ZNRF1: variants seen among roughly 807,000 people sequenced by gnomAD.
ZNRF1 encodes zinc and ring finger 1, also known as E3 ubiquitin-protein ligase ZNRF1.
ZNRF1 carries 3 observed loss-of-function variants against 18.4 expected under a neutral mutation model. The observed-to-expected ratio is 0.16, with a 90% confidence interval of 0.07 to 0.42. The LOEUF (loss-of-function observed/expected upper bound fraction) is 0.42. Among genes scored for constraint, ZNRF1 ranks in the 10% least tolerant of loss-of-function variants. ZNRF1 has a pLI of 0.99. For missense variants in ZNRF1, 310 were observed against 329.8 expected (o/e 0.94, Z 0.47); for synonymous variants, 157 against 144.2 (o/e 1.09, Z -0.64).
chr16:75,023,693 CAAACAAAAA>C (rs1411700007), intron 1 of ZNRF1, among the ~76,000 whole-genome samples: 3 of 115,834 alleles, frequency 2.6e-5, no homozygotes, highest in Admixed American at 8.9e-5. Flanking sequence ...AACAAACAAA[CAAACAAAAA>C]AAACAAAAAA....
At chr16:75,046,540 C>T (rs971993021) in intron 1 of ZNRF1, among the ~76,000 whole-genome samples, 2 of 152,128 alleles carry the variant, frequency 1.3e-5, no homozygotes, top group Non-Finnish European at 2.9e-5. Flanking sequence ...CGTGAGCCAC[C>T]ACACCCAGCT....
intron 1 of ZNRF1, among the ~76,000 whole-genome samples, chr16:75,017,277 T>C (rs2035084852): frequency 1.3e-5 from 2 of 152,330 alleles, no homozygotes; most frequent in African/African-American, 2.4e-5. Context: ...TAGAATTAAA[T>C]TGAGTTTATC....
At chr16:75,001,693 TCA>T (rs1377182884) in intron 1 of ZNRF1, among the ~76,000 whole-genome samples, 2 of 152,208 alleles carry the variant, frequency 1.3e-5, no homozygotes, top group African/African-American at 2.4e-5. Context: ...TTCTCTAAAA[TCA>T]CAGAATTTTT....
chr16:75,006,587 C>A (rs2034920757), intron 1 of ZNRF1, among the ~76,000 whole-genome samples: 3 of 152,130 alleles, frequency 2.0e-5, no homozygotes, highest in Admixed American at 2.0e-4. Flanking sequence ...AGGCATGCAC[C>A]ACCACGCCTG....
At chr16:75,079,336 T>C (rs979433683) in intron 1 of ZNRF1, among the ~76,000 whole-genome samples, 1 of 152,078 alleles carries the variant, frequency 6.6e-6, no homozygotes, top group African/African-American at 2.4e-5. Flanking sequence ...AAAAATTCGC[T>C]GGGCATGGTG....
chr16:75,076,915 C>T (rs922006842), intron 1 of ZNRF1, among the ~76,000 whole-genome samples: 2 of 151,996 alleles, frequency 1.3e-5, no homozygotes, highest in Non-Finnish European at 2.9e-5. Flanking sequence ...GAGAGGCCCT[C>T]ACCACACATC....
intron 1 of ZNRF1, among the ~76,000 whole-genome samples, chr16:75,065,732 C>T (rs1385996733): frequency 6.6e-6 from 1 of 152,162 alleles, no homozygotes; most frequent in African/African-American, 2.4e-5. Flanking sequence ...TCACATTCTT[C>T]GTGTCTATAA....
At chr16:75,032,585 A>G (rs1403038158) in intron 1 of ZNRF1, among the ~76,000 whole-genome samples, 1 of 152,174 alleles carries the variant, frequency 6.6e-6, no homozygotes, top group Admixed American at 6.6e-5. Context: ...TGTGCTGCAG[A>G]GGATACTATC....
chr16:75,000,090 ATAG>A lies in ZNRF1; in HGVS notation c.421_423del (p.Ser141del). On this transcript the variant is annotated inframe_deletion and splice_region_variant, in exon 1 of 5. Transcript: ENST00000335325. The stretch of plus-strand genomic sequence containing the variant: ...ATCGCACCCAGGTGGTTCAGCTCGC[ATAG>A]TGGTGAGTCCGCGGGTGGTGGAGGC... 6.2e-7 allele frequency: 1 copy of A among 1,600,140 alleles called. No homozygotes were observed. The highest frequency in any genetic ancestry group is 8.5e-7 in the Non-Finnish European group (1 of 1,174,672).
intron 1 of ZNRF1, among the ~76,000 whole-genome samples, chr16:75,090,925 A>G (rs539400330): frequency 2.0e-5 from 3 of 152,284 alleles, no homozygotes; most frequent in East Asian, 3.9e-4. Context: ...TTTAATTTGT[A>G]TTTTTTGTAG....
At chr16:75,099,655 C>T (rs1442602561) in intron 2 of ZNRF1, among the ~76,000 whole-genome samples, 2 of 152,160 alleles carry the variant, frequency 1.3e-5, no homozygotes, top group African/African-American at 4.8e-5. Context: ...TGTTCTTATC[C>T]GGCAGCATTT....
chr16:75,109,606 G>T lies in ZNRF1; in HGVS notation c.*1906G>T, dbSNP rs2036358334. On this transcript the variant is annotated 3_prime_UTR_variant, in exon 5 of 5. Transcript: ENST00000335325. ...GGGTCTCAGCGCGGGACCCGTCTGG[G>T]GTGAAGACCTTGGGGCTGTTGTGAG... The T allele has an allele frequency of 6.5e-6, 1 of 152,706 alleles. No homozygotes were observed. The highest frequency in any genetic ancestry group is 2.1e-4 in the South Asian group (1 of 4,838). 9.5% of individuals were successfully genotyped at this position (152,706 alleles called of 1,614,324 possible). A position where few individuals can be genotyped will look rare whatever the true frequency, so the allele number is the denominator to read the frequency against.
intron 1 of ZNRF1, among the ~76,000 whole-genome samples, chr16:75,054,004 C>G (rs1597883386): frequency 6.6e-6 from 1 of 152,216 alleles, no homozygotes; most frequent in East Asian, 1.9e-4. Context: ...AACTATGTGT[C>G]TTCCCCTTCA....
chr16:75,106,666 C>A, intron 4 of ZNRF1, 95 bp downstream of exon 4: 2 of 934,122 alleles, frequency 2.1e-6, no homozygotes, highest in Non-Finnish European at 3.3e-6. Context: ...CCTTATGCCA[C>A]TGAGAAGAAA....
At chr16:75,000,251 G>A in intron 1 of ZNRF1, 156 bp downstream of exon 1, 2 of 1,105,986 alleles carry the variant, frequency 1.8e-6, no homozygotes, top group Middle Eastern at 1.9e-4. Context: ...GATACCTACC[G>A]TCTGGAAACT....
At chr16:75,074,023 G>T (rs2035908204) in intron 1 of ZNRF1, among the ~76,000 whole-genome samples, 2 of 152,130 alleles carry the variant, frequency 1.3e-5, no homozygotes, top group African/African-American at 4.8e-5. Context: ...ACCACCCGGA[G>T]AGCAGAGATA....
At chr16:75,088,881 CTG>C (rs2036104738) in intron 1 of ZNRF1, among the ~76,000 whole-genome samples, 3 of 152,160 alleles carry the variant, frequency 2.0e-5, no homozygotes, top group Admixed American at 2.0e-4. Context: ...TAAAGAGAGA[CTG>C]TTGGTTTCCA....
intron 1 of ZNRF1, among the ~76,000 whole-genome samples, chr16:75,047,472 G>C (rs191508397): frequency 1.3e-5 from 2 of 152,338 alleles, no homozygotes; most frequent in African/African-American, 4.8e-5. Flanking sequence ...TTATTTATTT[G>C]TATTCATAGC....
At chr16:75,015,157 A>G (rs1282719514) in intron 1 of ZNRF1, among the ~76,000 whole-genome samples, 1 of 152,230 alleles carries the variant, frequency 6.6e-6, no homozygotes, top group Non-Finnish European at 1.5e-5. Flanking sequence ...ATAACTGAAT[A>G]TTCAAGTATT....
Sources: gnomAD v4.1 joint callset for allele counts (sites outside exome capture counted in the v4.1 genomes callset) on GRCh38, gnomAD v4.1.1 for gene constraint, MANE v1.5 for transcripts, NCBI Gene and HGNC (gene_info 2026-07-23, HGNC 2026-07-21) for gene names.